Variants in PCDHA5 observed in about 807,000 individuals in gnomAD.
PCDHA5 encodes protocadherin alpha-5.
In PCDHA5, 43 loss-of-function variants were observed where a neutral mutation model predicts 61.6. That is an observed-to-expected ratio of 0.70 (90% confidence interval 0.55 to 0.90). The LOEUF (loss-of-function observed/expected upper bound fraction) is 0.90, where lower values mean the gene tolerates loss of function less well. Ranked by LOEUF, PCDHA5 falls within the 40% of genes least tolerant of loss-of-function variation. The probability of loss-of-function intolerance (pLI) is 0.00; values close to 1 mark genes in which losing one functional copy is unlikely to be tolerated. For synonymous variants in PCDHA5, 627 were observed against 543.9 expected, an observed-to-expected ratio of 1.15 and a Z score of -2.13; for missense variants, 1,298 against 1,222.7, an observed-to-expected ratio of 1.06 and a Z score of -0.92.
intron 1 of PCDHA5, chr5:140,863,111 C>T (rs782266273): frequency 1.2e-5 from 7 of 585,488 alleles, no homozygotes; most frequent in Non-Finnish European, 1.7e-5. Context: ...CTGGACGAGG[C>T]GAAAGCTACG....
intron 1 of PCDHA5, among the ~76,000 whole-genome samples, chr5:140,978,436 G>A (rs190191755): frequency 6.6e-6 from 1 of 152,348 alleles, no homozygotes; most frequent in East Asian, 1.9e-4. Flanking sequence ...AGTTGCTGGT[G>A]TTATGACTGG....
At chr5:140,988,556 C>A (rs574182013) in intron 3 of PCDHA5, among the ~76,000 whole-genome samples, 1 of 152,158 alleles carries the variant, frequency 6.6e-6, no homozygotes, top group South Asian at 2.1e-4. Flanking sequence ...TCTTCATCTT[C>A]TTCTTGGGAA....
rs1197189729 is a variant in PCDHA5, at chr5:141,011,926, G to A, written c.*1989G>A. On this transcript the variant is annotated 3_prime_UTR_variant, in exon 4 of 4. Transcript: ENST00000529859. ...TTAGGCATTAATATAAAAGAGGTAG[G>A]AGTCTGTTATTTAAAAAAAGCATTA... 1 of 153,498 alleles carries A rather than the reference G, an allele frequency of 6.5e-6. No individual in the cohort carries two copies. Among genetic ancestry groups the A allele is most frequent in the African/African-American group, 2.4e-5 (1 of 41,380 alleles). 9.5% of individuals were successfully genotyped at this position (153,498 alleles called of 1,614,324 possible).
At chr5:140,947,362 C>T (rs1378703066) in intron 1 of PCDHA5, among the ~76,000 whole-genome samples, 2 of 151,632 alleles carry the variant, frequency 1.3e-5, no homozygotes, top group Admixed American at 6.6e-5. Context: ...TATTTCACTC[C>T]TTTGATCTAT....
At chr5:140,923,577 G>C (rs1456273088) in intron 1 of PCDHA5, among the ~76,000 whole-genome samples, 3 of 152,196 alleles carry the variant, frequency 2.0e-5, no homozygotes, top group Non-Finnish European at 4.4e-5. Context: ...CTGCTAAAGA[G>C]AAGGTTTGTT....
intron 1 of PCDHA5, among the ~76,000 whole-genome samples, chr5:140,978,010 T>G (rs2096785841): frequency 6.6e-6 from 1 of 152,156 alleles, no homozygotes; most frequent in African/African-American, 2.4e-5. Flanking sequence ...TTTTTCACAG[T>G]GACATTTTTG....
chr5:141,005,659 G>A (rs963015988), intron 3 of PCDHA5, among the ~76,000 whole-genome samples: 2 of 123,926 alleles, frequency 1.6e-5, no homozygotes, highest in South Asian at 2.6e-4. Flanking sequence ...TCGAGATCGC[G>A]CCACTGCACT....
intron 1 of PCDHA5, among the ~76,000 whole-genome samples, chr5:140,918,591 A>G (rs1554198702): frequency 6.6e-6 from 1 of 152,238 alleles, no homozygotes; most frequent in African/African-American, 2.4e-5. Context: ...TATATGTTCT[A>G]TAGATGTTGC....
chr5:140,861,627 T>C, intron 1 of PCDHA5: 1 of 322,548 alleles, frequency 3.1e-6, no homozygotes, highest in South Asian at 3.1e-5. Flanking sequence ...GCCAGTGTTC[T>C]CAGCAACACA....
intron 1 of PCDHA5, chr5:140,863,562 G>T: frequency 5.3e-6 from 2 of 376,150 alleles, no homozygotes; most frequent in South Asian, 4.2e-5. Flanking sequence ...AAATTTTTGA[G>T]AATATAAGTA....
Position 140,823,616 on chromosome 5 carries a change from C to T in PCDHA5, c.1841C>T (p.Pro614Leu). ...CTTTCGTATGAGCTGCAGCCAGCGC[C>T]TGGCAGTGCGCGCATCCCGTTCCGC... is the stretch of plus-strand genomic sequence containing the variant. ...AWLSYELQPAPGSARIPFRVG... is the reference protein window; with the variant it reads ...AWLSYELQPALGSARIPFRVG... The change falls in exon 1 of 4, where the codon CCT (proline) becomes CTT (leucine). Residue 614 changes from proline to leucine, a missense_variant. Physicochemically the swap from Pro to Leu is moderately conservative, Grantham distance 98. Transcript: ENST00000529859. 6.2e-7 allele frequency: 1 copy of T among 1,614,036 alleles called. No homozygotes were observed.
intron 1 of PCDHA5, among the ~76,000 whole-genome samples, chr5:140,887,239 G>C (rs1248062448): frequency 6.6e-6 from 1 of 151,736 alleles, no homozygotes. Flanking sequence ...TGAGACTACC[G>C]GCGCCCGCCA....
At position 140,962,458 on chromosome 5, in the gene PCDHA5, G is replaced by A. The variant is rs535139362; in HGVS notation, c.2353-16491G>A. ...CCAAAGATGGCTTGAATCTCTTATG[G>A]CTTGAATCTCTTTGTTTATTCTAAG... On this transcript the variant is annotated intron_variant, in intron 1 of 3. Transcript: ENST00000529859. Among the ~76,000 whole-genome samples, 222 of 152,088 alleles carry A rather than the reference G, an allele frequency of 1.5e-3. 9 individuals carry two copies. In the South Asian group the frequency reaches 0.044, roughly 30 times the overall value.
intron 1 of PCDHA5, chr5:140,842,941 G>C (rs1388720747): frequency 3.1e-6 from 5 of 1,594,532 alleles, no homozygotes; most frequent in Admixed American, 1.7e-5. Context: ...CGCGCGACGC[G>C]GGCGTGCCGC....
chr5:140,908,757 C>G (rs550540742), intron 1 of PCDHA5, among the ~76,000 whole-genome samples: 1 of 152,248 alleles, frequency 6.6e-6, no homozygotes, highest in Non-Finnish European at 1.5e-5. Context: ...TGCACACAGC[C>G]TGGACGTGTT....
chr5:140,972,589 T>C (rs1258846206), intron 1 of PCDHA5, among the ~76,000 whole-genome samples: 2 of 152,074 alleles, frequency 1.3e-5, no homozygotes, highest in Non-Finnish European at 2.9e-5. Flanking sequence ...AGAATTTCTC[T>C]TTGGAAATTT....
In PCDHA5 at chr5:140,848,503, A is replaced by G. The variant is rs2150411513; in HGVS notation, c.2352+24376A>G. 2.1e-5 allele frequency: 33 copies of G among 1,586,850 alleles called. 4 individuals are homozygous for G. Among genetic ancestry groups the G allele is most frequent in the African/African-American group, 4.1e-5 (3 of 74,020 alleles). Reference sequence around the variant, plus strand: ...GAAGACTGAGTATTTGAAATGTTATACTCAAGTCGAGGAGATCCAGAGGGT... The same window carrying G: ...GAAGACTGAGTATTTGAAATGTTATGCTCAAGTCGAGGAGATCCAGAGGGT... On this transcript the variant is annotated intron_variant, in intron 1 of 3. Coordinates refer to ENST00000529859, the MANE Select transcript of PCDHA5 (RefSeq NM_018908.3).
intron 1 of PCDHA5, chr5:140,968,207 A>C: frequency 6.2e-7 from 1 of 1,614,000 alleles, no homozygotes; most frequent in Non-Finnish European, 8.5e-7. Context: ...CATACAGGAG[A>C]ACAATTTGCC....
rs2150313272 is a variant in PCDHA5, at chr5:140,841,310, C to G, written c.2352+17183C>G. 53 of 1,550,820 alleles carry G rather than the reference C, an allele frequency of 3.4e-5. No individual in the cohort carries two copies. In the Middle Eastern group the frequency reaches 5.2e-4, roughly 15 times the overall value. Reference sequence around the variant, plus strand: ...TAAGATAATATTTTCTGATAGGAAACGACTATTTAACATGGATTATCACTG... The same window carrying G: ...TAAGATAATATTTTCTGATAGGAAAGGACTATTTAACATGGATTATCACTG... On this transcript the variant is annotated intron_variant, in intron 1 of 3. Transcript: ENST00000529859.
Sources: gnomAD v4.1 joint callset for allele counts (sites outside exome capture counted in the v4.1 genomes callset) on GRCh38, gnomAD v4.1.1 for gene constraint, MANE v1.5 for transcripts, NCBI Gene and HGNC (gene_info 2026-07-23, HGNC 2026-07-21) for gene names.